NELL1: variants seen among roughly 807,000 people sequenced by gnomAD.
The protein encoded by NELL1 is neural EGFL like 1.
In NELL1, 76 loss-of-function variants were observed where a neutral mutation model predicts 107.4. The ratio of observed to expected loss-of-function variants is 0.71; its 90% CI spans 0.59 to 0.86. NELL1 has a LOEUF of 0.86. NELL1 is among the 40% of genes least tolerant of loss of function. The probability of loss-of-function intolerance (pLI) is 0.00; values close to 1 mark genes in which losing one functional copy is unlikely to be tolerated. For synonymous variants in NELL1, 353 were observed against 341.2 expected, an observed-to-expected ratio of 1.03 and a Z score of -0.38; for missense variants, 1,024 against 1,005.5, an observed-to-expected ratio of 1.02 and a Z score of -0.25.
At chr11:21,146,556 T>G (rs1293729290) in intron 13 of NELL1, among the ~76,000 whole-genome samples, 2 of 152,048 alleles carry the variant, frequency 1.3e-5, no homozygotes, top group African/African-American at 4.8e-5. Context: ...TACTCCTACT[T>G]CTCTCTCCTC....
At chr11:21,150,446 C>A (rs1389343646) in intron 13 of NELL1, among the ~76,000 whole-genome samples, 3 of 152,088 alleles carry the variant, frequency 2.0e-5, no homozygotes, top group African/African-American at 7.2e-5. Context: ...TGTCCCTTGG[C>A]CAAGTTCTCA....
chr11:20,776,915 C>G (rs896010793), intron 2 of NELL1, among the ~76,000 whole-genome samples: 1 of 152,224 alleles, frequency 6.6e-6, no homozygotes, highest in Non-Finnish European at 1.5e-5. Flanking sequence ...CTCTCTGTGC[C>G]TCAGTTCCTT....
At chr11:21,482,725 G>A (rs1168529374) in intron 15 of NELL1, among the ~76,000 whole-genome samples, 15 of 149,838 alleles carry the variant, frequency 1.0e-4, no homozygotes, top group East Asian at 2.0e-4. Flanking sequence ...AATCATGGCC[G>A]TATATGAGAA....
At chr11:21,320,547 G>A (rs987647326) in intron 14 of NELL1, among the ~76,000 whole-genome samples, 29 of 152,166 alleles carry the variant, frequency 1.9e-4, no homozygotes, top group African/African-American at 6.5e-4. Flanking sequence ...CAATGCCCCT[G>A]AAAAGTGGAT....
intron 3 of NELL1, among the ~76,000 whole-genome samples, chr11:20,809,353 C>G (rs1441775576): frequency 6.6e-6 from 1 of 152,040 alleles, no homozygotes; most frequent in Admixed American, 6.6e-5. Flanking sequence ...TCATCTTAAA[C>G]ATTTATAATT....
chr11:21,463,021 A>C (rs1040002788), intron 15 of NELL1, among the ~76,000 whole-genome samples: 1 of 152,108 alleles, frequency 6.6e-6, no homozygotes, highest in African/African-American at 2.4e-5. Flanking sequence ...AGGTTCCTTG[A>C]AATATTCATT....
intron 2 of NELL1, among the ~76,000 whole-genome samples, chr11:20,782,033 C>G (rs902056422): frequency 1.4e-5 from 2 of 140,190 alleles, no homozygotes; most frequent in Non-Finnish European, 3.1e-5. Context: ...GAGTGAGACC[C>G]TCATCTCAAA....
At position 20,711,091 on chromosome 11, in the gene NELL1, C is replaced by G. The variant is rs376886888; in HGVS notation, c.184+33031C>G. Among the ~76,000 whole-genome samples, 24 of 151,696 alleles carry G rather than the reference C, an allele frequency of 1.6e-4. No individual in the cohort carries two copies. In the South Asian group the frequency reaches 3.7e-3, roughly 24 times the overall value. On this transcript the variant is annotated intron_variant, in intron 2 of 19. Coordinates refer to ENST00000357134, the MANE Select transcript of NELL1 (RefSeq NM_006157.5). ...GTTTAGGTTTGGTTTGTTCTTGTTT[C>G]TCTAGTTCCCTGGGGTGTGACCTTA...
chr11:20,755,563 T>TTTTTTTTTTATTTA (rs1590264076), intron 2 of NELL1, among the ~76,000 whole-genome samples: 18 of 19,130 alleles, frequency 9.4e-4, no homozygotes, highest in Admixed American at 3.0e-3. Flanking sequence ...TTTGTTTTTG[T>TTTTTTTTTTATTTA]TTTTTTTTTT....
chr11:21,039,906 C>T (rs1460010992), intron 12 of NELL1, among the ~76,000 whole-genome samples: 1 of 152,062 alleles, frequency 6.6e-6, no homozygotes, highest in African/African-American at 2.4e-5. Context: ...TTTGAAGGAG[C>T]TCAATTTTGT....
chr11:20,834,712 C>CA (rs1279621439), intron 3 of NELL1, among the ~76,000 whole-genome samples: 1 of 148,620 alleles, frequency 6.7e-6, no homozygotes, highest in African/African-American at 2.5e-5. Flanking sequence ...AAAAAAAAAA[C>CA]AAAAAACAAA....
At chr11:20,716,367 T>C (rs1855250563) in intron 2 of NELL1, among the ~76,000 whole-genome samples, 2 of 152,266 alleles carry the variant, frequency 1.3e-5, no homozygotes, top group South Asian at 4.1e-4. Flanking sequence ...GCACAAAGGA[T>C]GCTATTAGCA....
chr11:21,419,494 T>G (rs1852606242), intron 15 of NELL1, among the ~76,000 whole-genome samples: 1 of 152,084 alleles, frequency 6.6e-6, no homozygotes, highest in Non-Finnish European at 1.5e-5. Flanking sequence ...AGTCATAAAT[T>G]CAGCTTTTCT....
rs114543470 is a variant in NELL1, at chr11:21,535,032, T to C, written c.1786+518T>C. 9.6e-3 allele frequency among the ~76,000 whole-genome samples: 1,459 copies of C among 152,274 alleles called. 21 individuals carry two copies. Among genetic ancestry groups the C allele is most frequent in the African/African-American group, 0.033 (1,391 of 41,574 alleles). ...AACAAGAATACCACCTATTTAAAAA[T>C]TGCAAGATTTGAATTGATGCACATA... On this transcript the variant is annotated intron_variant, in intron 16 of 19. Transcript: ENST00000357134.
rs116757908 is a variant in NELL1 at position 21,288,774 on chromosome 11, G to T, written c.1549+59320G>T. On this transcript the variant is annotated intron_variant, in intron 14 of 19. Transcript: ENST00000357134. ...GTCATGATTATGTAGATTAGTCGGG[G>T]GGTTCTTCTTATCAGCAGTAGGATG... Among the ~76,000 whole-genome samples the T allele has an allele frequency of 7.6e-3, 1,162 of 152,264 alleles. 14 individuals carry two copies. The highest frequency in any genetic ancestry group is 0.026 in the African/African-American group (1,086 of 41,540).
At chr11:21,371,044 G>T in intron 15 of NELL1, 96 bp downstream of exon 15, 1 of 939,212 alleles carries the variant, frequency 1.1e-6, no homozygotes. Context: ...TAATACTGTG[G>T]GTTGACTTGA....
chr11:21,088,528 T>C (rs1432994278), intron 12 of NELL1, among the ~76,000 whole-genome samples: 3 of 152,188 alleles, frequency 2.0e-5, no homozygotes, highest in African/African-American at 7.2e-5. Context: ...ATTATACACA[T>C]AAGTCAGACA....
At chr11:20,915,282 T>C (rs1850221417) in intron 5 of NELL1, among the ~76,000 whole-genome samples, 1 of 151,846 alleles carries the variant, frequency 6.6e-6, no homozygotes, top group East Asian at 1.9e-4. Context: ...TGGTTGACAA[T>C]AAAGCAGAAT....
chr11:21,381,186 A>G (rs1851599728), intron 15 of NELL1, among the ~76,000 whole-genome samples: 1 of 152,024 alleles, frequency 6.6e-6, no homozygotes, highest in Non-Finnish European at 1.5e-5. Context: ...GAGGTAAAGT[A>G]AATTATGTTT....
Sources: gnomAD v4.1 joint callset for allele counts (sites outside exome capture counted in the v4.1 genomes callset) on GRCh38, gnomAD v4.1.1 for gene constraint, MANE v1.5 for transcripts, NCBI Gene and HGNC (gene_info 2026-07-23, HGNC 2026-07-21) for gene names.